ANK3: variants seen among roughly 807,000 people sequenced by gnomAD.
ANK3 encodes ankyrin 3.
Under a neutral mutation model 370.9 loss-of-function variants are expected in ANK3, and 57 were observed. That is an observed-to-expected ratio of 0.15 (90% CI 0.12 to 0.19). The LOEUF is 0.19. ANK3 is among the 10% of genes least tolerant of loss of function. ANK3 has a pLI of 1.00. For missense variants in ANK3, 4,439 were observed against 5,302.1 expected (o/e 0.84, Z 5.06); for synonymous variants, 1,929 against 1,946.3 (o/e 0.99, Z 0.23).
intron 27 of ANK3, 115 bp downstream of exon 27, chr10:60,108,715 T>C (rs1485761781): frequency 1.2e-5 from 10 of 819,908 alleles, no homozygotes; most frequent in Non-Finnish European, 1.9e-5. Flanking sequence ...ACAAAAAGTA[T>C]ACTCAATCAG....
At chr10:60,585,594 G>C (rs554720828) in intron 2 of ANK3, among the ~76,000 whole-genome samples, 1 of 152,296 alleles carries the variant, frequency 6.6e-6, no homozygotes, top group East Asian at 1.9e-4. Flanking sequence ...CTCTAAATGA[G>C]AGATATAGCC....
chr10:60,099,085 C>T (rs2090696147), intron 28 of ANK3, among the ~76,000 whole-genome samples: 1 of 152,136 alleles, frequency 6.6e-6, no homozygotes, highest in Non-Finnish European at 1.5e-5. Context: ...TCAGTGTTGA[C>T]ATTTAAGATT....
intron 23 of ANK3, among the ~76,000 whole-genome samples, chr10:60,158,067 G>A (rs1346572870): frequency 6.6e-6 from 1 of 151,996 alleles, no homozygotes; most frequent in Non-Finnish European, 1.5e-5. Flanking sequence ...ACCCAAATAA[G>A]ACTACCTTAA....
In ANK3 at chr10:60,711,392, A is replaced by G. The variant is rs554529855; in HGVS notation, c.57+21871T>C. ...AAATTGAATAAAAATAAATAAATAA[A>G]TAAATAAATAAAAATAAAAAACACT... On this transcript the variant is annotated intron_variant, in intron 1 of 43. Transcript: ENST00000373827. Among the ~76,000 whole-genome samples, 11 of 151,804 alleles carry G rather than the reference A, an allele frequency of 7.2e-5. No homozygotes were observed. The South Asian group carries it at 2.3e-3, about 31-fold the overall frequency.
rs188701768 is a variant in ANK3, at chr10:60,567,194, A to G, written c.96+47992T>C. ...CTATACTGTAGTGGGAGAAGATCCT[A>G]CCTAGGACTGTCACAACTACAGAGA... is the stretch of plus-strand genomic sequence containing the variant. On this transcript the variant is annotated intron_variant, in intron 2 of 43. Transcript: ENST00000373827. Among the ~76,000 whole-genome samples the G allele has an allele frequency of 5.9e-5, 9 of 152,306 alleles. No homozygotes were observed. In the East Asian group the frequency reaches 1.7e-3, roughly 29 times the overall value.
In ANK3 at chr10:60,071,476, A is replaced by G; in HGVS notation, c.9405T>C (p.Thr3135=). 6.2e-7 allele frequency: 1 copy of G among 1,613,942 alleles called. No individual in the cohort carries two copies. The change falls in exon 37 of 44, where the codon ACT becomes ACC. Residue 3135 remains threonine (T), a synonymous_variant. Coordinates refer to ENST00000280772, the MANE Select transcript of ANK3 (RefSeq NM_020987.5). ...VQETRGTFYT[T]RQQKQPPSPQ... is the part of the protein sequence containing the mutation. The stretch of plus-strand genomic sequence containing the variant: ...GAGAAGGAGGTTGCTTTTGCTGTCT[A>G]GTTGTATAAAAGGTCCCCCTGGTTT...
intron 2 of ANK3, among the ~76,000 whole-genome samples, chr10:60,435,950 A>G (rs1348483739): frequency 6.6e-6 from 1 of 152,126 alleles, no homozygotes; most frequent in Non-Finnish European, 1.5e-5. Flanking sequence ...AGCCGGGCGC[A>G]GTGGCAGGCG....
intron 1 of ANK3, among the ~76,000 whole-genome samples, chr10:60,649,266 C>A (rs1036875898): frequency 6.6e-6 from 1 of 151,726 alleles, no homozygotes; most frequent in African/African-American, 2.4e-5. Context: ...CCACCCACAT[C>A]AACACCAACT....
rs563946588 is a variant in ANK3, at chr10:60,036,422, A to ATTTTTTTTTTTTTTTTTTTT, written c.*19+6230_*19+6249dup. On this transcript the variant is annotated intron_variant, in intron 43 of 43. Transcript: ENST00000280772. Reference sequence around the variant, plus strand: ...CTGCGGAAGAGAGAGGTCAGAGGCAATTTTTTTTTTTTTTTTTTTTTTTTT... The same window carrying ATTTTTTTTTTTTTTTTTTTT: ...CTGCGGAAGAGAGAGGTCAGAGGCAATTTTTTTTTTTTTTTTTTTTTTTTTTTTTTTTTTTTTTTTTTTTT... 1.4e-4 allele frequency among the ~76,000 whole-genome samples: 10 copies of ATTTTTTTTTTTTTTTTTTTT among 72,292 alleles called. 3 individuals carry two copies. Among genetic ancestry groups the ATTTTTTTTTTTTTTTTTTTT allele is most frequent in the African/African-American group, 6.3e-4 (9 of 14,242 alleles). The allele number at this position is 72,292 out of a possible 152,430, so 47.4% of individuals were successfully genotyped here. A position where few individuals can be genotyped will look rare whatever the true frequency, so the allele number is the denominator to read the frequency against.
chr10:60,527,369 T>C (rs1210931815), intron 2 of ANK3, among the ~76,000 whole-genome samples: 1 of 152,116 alleles, frequency 6.6e-6, no homozygotes, highest in Non-Finnish European at 1.5e-5. Flanking sequence ...GGAGAAGTCT[T>C]TTGTTTTTAG....
rs34796699 is a variant in ANK3, at chr10:60,196,628, GAA to G, written c.1690-5_1690-4del. The G allele has an allele frequency of 1.3e-4, 169 of 1,258,120 alleles. No individual in the cohort carries two copies. The highest frequency in any genetic ancestry group is 1.5e-4 in the Non-Finnish European group (135 of 915,914). 77.9% of individuals were successfully genotyped at this position (1,258,120 alleles called of 1,614,324 possible). A position where few individuals can be genotyped will look rare whatever the true frequency, so the allele number is the denominator to read the frequency against. On this transcript the variant is annotated splice_polypyrimidine_tract_variant and splice_region_variant and intron_variant, in intron 14 of 43. Transcript: ENST00000280772. ...ACATGAAGAGGAGTAAATCCTTTCT[GAA>G]AAAAAAAAAACATAAAAATAATGAA... is the stretch of plus-strand genomic sequence containing the variant.
At position 60,318,500 on chromosome 10, in the gene ANK3, T is replaced by A. The variant is rs369616476; in HGVS notation, c.115-38861A>T. ...CAACAGAGCTCTGACTTACTGAACA[T>A]CCTTCATGACCACATACAAATTGAC... On this transcript the variant is annotated intron_variant, in intron 1 of 43. Transcript: ENST00000280772. Among the ~76,000 whole-genome samples, 7 of 152,314 alleles carry A rather than the reference T, an allele frequency of 4.6e-5. No homozygotes were observed. The South Asian group carries it at 1.5e-3, about 32-fold the overall frequency.
intron 2 of ANK3, among the ~76,000 whole-genome samples, chr10:60,598,248 G>C (rs1204498362): frequency 1.3e-5 from 2 of 152,202 alleles, no homozygotes; most frequent in African/African-American, 4.8e-5. Context: ...CATACACAGT[G>C]TATCAACAAC....
At chr10:60,666,393 G>A (rs1486873697) in intron 1 of ANK3, among the ~76,000 whole-genome samples, 2 of 152,132 alleles carry the variant, frequency 1.3e-5, no homozygotes, top group Non-Finnish European at 2.9e-5. Flanking sequence ...CAGGGGCTGG[G>A]AGGGGAGGGG....
At chr10:60,156,289 C>T (rs113994874) in intron 23 of ANK3, among the ~76,000 whole-genome samples, 2,817 of 152,308 alleles carry the variant, frequency 0.018, 83 homozygotes, top group African/African-American at 0.064. Flanking sequence ...ACCAGGGAAA[C>T]TCCTGTACCT....
chr10:60,125,607 G>A (rs556484594), intron 25 of ANK3, among the ~76,000 whole-genome samples: 67 of 152,230 alleles, frequency 4.4e-4, no homozygotes, highest in African/African-American at 1.6e-3. Flanking sequence ...CACCATGCAC[G>A]TTTCTGAGCA....
At chr10:60,377,726 A>AG (rs906384165) in intron 1 of ANK3, among the ~76,000 whole-genome samples, 1 of 152,224 alleles carries the variant, frequency 6.6e-6, no homozygotes, top group African/African-American at 2.4e-5. Context: ...AATAAAGGCC[A>AG]GGGGCAGGGT....
chr10:60,150,720 T>C (rs2095069132), intron 23 of ANK3, among the ~76,000 whole-genome samples: 1 of 152,070 alleles, frequency 6.6e-6, no homozygotes, highest in South Asian at 2.1e-4. Context: ...TCTCTTGCCA[T>C]GTGACATTCC....
chr10:60,461,423 A>G (rs778712184), intron 2 of ANK3, among the ~76,000 whole-genome samples: 1 of 152,188 alleles, frequency 6.6e-6, no homozygotes. Context: ...TTTTCAGTGC[A>G]TACATTTGTT....
Sources: allele counts gnomAD v4.1 joint callset (sites outside exome capture counted in the v4.1 genomes callset), GRCh38; gene constraint gnomAD v4.1.1; transcripts MANE v1.5; gene names NCBI Gene and HGNC (gene_info 2026-07-23, HGNC 2026-07-21).